PTPRT: variants seen among roughly 807,000 people sequenced by gnomAD.
PTPRT encodes the protein protein tyrosine phosphatase receptor type T.
Under a neutral mutation model 176.8 loss-of-function variants are expected in PTPRT, and 56 were observed. The observed-to-expected ratio is 0.32, with a 90% CI of 0.26 to 0.40. PTPRT has a LOEUF of 0.40. Among genes scored for constraint, PTPRT ranks in the 10% least tolerant of loss-of-function variants. PTPRT has a pLI of 1.00. For synonymous variants in PTPRT, 783 were observed against 739.0 expected (o/e 1.06, Z -0.96); for missense variants, 1,540 against 1,908.2 (o/e 0.81, Z 3.60).
At chr20:42,743,727 G>A (rs542964553) in intron 6 of PTPRT, among the ~76,000 whole-genome samples, 3 of 152,326 alleles carry the variant, frequency 2.0e-5, no homozygotes, top group South Asian at 4.1e-4. Context: ...CAAGGGGCAT[G>A]GGTGAAGTTT....
At chr20:42,569,481 G>C (rs2073116556) in intron 7 of PTPRT, among the ~76,000 whole-genome samples, 1 of 152,070 alleles carries the variant, frequency 6.6e-6, no homozygotes, top group African/African-American at 2.4e-5. Flanking sequence ...TCTCTGGAAG[G>C]CCTGTAATGA....
chr20:42,352,373 C>CG, intron 9 of PTPRT, 88 bp from the exon 10 acceptor site: 1 of 1,335,638 alleles, frequency 7.5e-7, no homozygotes, highest in Non-Finnish European at 1.1e-6. Context: ...CTTAGGGAGG[C>CG]GGGGGAAGGG....
chr20:42,694,121 C>G (rs2075835448), intron 6 of PTPRT, among the ~76,000 whole-genome samples: 1 of 151,670 alleles, frequency 6.6e-6, no homozygotes, highest in Non-Finnish European at 1.5e-5. Flanking sequence ...TCACTGCAAC[C>G]TCCACCTCCC....
At position 43,189,241 on chromosome 20, in the gene PTPRT, C is replaced by A. The variant is rs1331775872; in HGVS notation, c.88+405G>T. 6.6e-6 allele frequency among the ~76,000 whole-genome samples: 1 copy of A among 152,144 alleles called. No homozygotes were observed. The highest frequency in any genetic ancestry group is 2.4e-5 in the African/African-American group (1 of 41,454). ...CTCCCCACTAAAAGCGCGCGCTGCC[C>A]GAGGAGCTGCCCGGGAGAGAACGCT... On this transcript the variant is annotated intron_variant, in intron 1 of 30. Transcript: ENST00000373187. The surrounding 1 kb of genome is among the most constrained non-coding windows in gnomAD (Gnocchi z 5.0).
intron 9 of PTPRT, among the ~76,000 whole-genome samples, chr20:42,446,580 ATGTGTG>A (rs372328206): frequency 0.016 from 2,260 of 139,526 alleles, 32 homozygotes; most frequent in Middle Eastern, 0.018. Context: ...TTTCATGTAA[ATGTGTG>A]TGTGTGTGTG....
Position 42,184,722 on chromosome 20 carries a change from G to A in PTPRT, c.2491+14518C>T, listed in dbSNP as rs148202949. 5.6e-3 allele frequency among the ~76,000 whole-genome samples: 846 copies of A among 150,588 alleles called. 4 individuals carry two copies. Among genetic ancestry groups the A allele is most frequent in the Non-Finnish European group, 9.1e-3 (616 of 67,792 alleles). ...GGTTCACTGTAACCTCCACCTCCTGGGTTCAAGTGATTCTCCTGCCTCAGC... is the reference window on the plus strand; with the variant it reads ...GGTTCACTGTAACCTCCACCTCCTGAGTTCAAGTGATTCTCCTGCCTCAGC... On this transcript the variant is annotated intron_variant, in intron 16 of 30. Transcript: ENST00000373187.
chr20:42,416,828 T>A (rs960796878), intron 9 of PTPRT, among the ~76,000 whole-genome samples: 2 of 152,160 alleles, frequency 1.3e-5, no homozygotes, highest in African/African-American at 4.8e-5. Context: ...TAACGCTAAG[T>A]GGAAGAAAGT....
chr20:42,370,402 G>A (rs2145596659), intron 9 of PTPRT, among the ~76,000 whole-genome samples: 1 of 152,246 alleles, frequency 6.6e-6, no homozygotes, highest in South Asian at 2.1e-4. Context: ...GCCTGGACAT[G>A]TCCCTGGCAG....
At chr20:42,430,233 C>T (rs772991499) in intron 9 of PTPRT, among the ~76,000 whole-genome samples, 77 of 152,278 alleles carry the variant, frequency 5.1e-4, no homozygotes, top group Non-Finnish European at 9.0e-4. Flanking sequence ...GTGAGGAAAT[C>T]CTGACGTAGC....
chr20:42,291,768 C>T (rs2057320108), intron 12 of PTPRT, among the ~76,000 whole-genome samples: 1 of 152,094 alleles, frequency 6.6e-6, no homozygotes, highest in Admixed American at 6.6e-5. Context: ...AATGAATTAC[C>T]TGAGGCATGA....
At chr20:42,872,626 A>G (rs922146876) in intron 2 of PTPRT, among the ~76,000 whole-genome samples, 10 of 152,162 alleles carry the variant, frequency 6.6e-5, no homozygotes, top group African/African-American at 2.2e-4. Context: ...CTAAATTCCT[A>G]TGTTTAGAAA....
chr20:43,063,973 A>G (rs563336312), intron 1 of PTPRT, among the ~76,000 whole-genome samples: 497 of 152,230 alleles, frequency 3.3e-3, no homozygotes, highest in Non-Finnish European at 5.9e-3. Flanking sequence ...TGGTACGTTT[A>G]TGATTTGACT....
At chr20:42,308,565 GAACA>G (rs1282755195) in intron 12 of PTPRT, among the ~76,000 whole-genome samples, 2 of 152,074 alleles carry the variant, frequency 1.3e-5, no homozygotes, top group African/African-American at 4.8e-5. Flanking sequence ...AAAGAAAAAA[GAACA>G]AATAGTCCAA....
In PTPRT at chr20:42,771,649, G is replaced by A. The variant is rs1056212804; in HGVS notation, c.569-99C>T. On this transcript the variant is annotated intron_variant, in intron 4 of 30. Transcript: ENST00000373187. Reference sequence around the variant, plus strand: ...GCTCAGGATGGGCACTGGGCAGGGTGGAACTGGCACTTAAGAAGTAGCCCG... The same window carrying A: ...GCTCAGGATGGGCACTGGGCAGGGTAGAACTGGCACTTAAGAAGTAGCCCG... 28 of 909,266 alleles carry A rather than the reference G, an allele frequency of 3.1e-5. No homozygotes were observed. In the African/African-American group the frequency reaches 3.4e-4, roughly 11 times the overall value. 56.3% of individuals were successfully genotyped at this position (909,266 alleles called of 1,614,324 possible). A position where few individuals can be genotyped will look rare whatever the true frequency, so the allele number is the denominator to read the frequency against.
intron 9 of PTPRT, among the ~76,000 whole-genome samples, chr20:42,442,903 C>T (rs1479831239): frequency 1.3e-5 from 2 of 152,164 alleles, no homozygotes; most frequent in Admixed American, 6.5e-5. Flanking sequence ...TTGCGACGGT[C>T]TGTGTTCTTG....
intron 7 of PTPRT, among the ~76,000 whole-genome samples, chr20:42,554,016 A>AAAGGCC (rs2072816225): frequency 6.6e-6 from 1 of 152,120 alleles, no homozygotes; most frequent in Admixed American, 6.6e-5. Flanking sequence ...GGTAAAAGGA[A>AAAGGCC]AAGGCCTGGG....
At chr20:42,886,651 G>T (rs1003756361) in intron 1 of PTPRT, among the ~76,000 whole-genome samples, 1 of 152,170 alleles carries the variant, frequency 6.6e-6, no homozygotes, top group African/African-American at 2.4e-5. Flanking sequence ...TAACTTTAAA[G>T]GTCAAGCCAT....
intron 1 of PTPRT, among the ~76,000 whole-genome samples, chr20:42,886,799 G>A (rs2079110235): frequency 6.6e-6 from 1 of 152,190 alleles, no homozygotes; most frequent in Non-Finnish European, 1.5e-5. Flanking sequence ...AGGAAACACT[G>A]GTCTGTCCAG....
At chr20:42,888,427 C>T (rs1026702730) in intron 1 of PTPRT, among the ~76,000 whole-genome samples, 5 of 152,210 alleles carry the variant, frequency 3.3e-5, no homozygotes, top group African/African-American at 9.6e-5. Context: ...ATTACATATA[C>T]TATCTCATTA....
Sources: allele counts gnomAD v4.1 joint callset (sites outside exome capture counted in the v4.1 genomes callset), GRCh38; gene constraint gnomAD v4.1.1; non-coding constraint Gnocchi (gnomAD v3.1); transcripts MANE v1.5; gene names NCBI Gene and HGNC (gene_info 2026-07-23, HGNC 2026-07-21).